PLXDC1: variants seen among roughly 807,000 people sequenced by gnomAD.
The protein encoded by PLXDC1 is plexin domain containing 1, also known as plexin domain-containing protein 1.
PLXDC1 carries 39 observed loss-of-function variants against 61.3 expected under a neutral mutation model. That is an observed-to-expected ratio of 0.64 (90% CI 0.49 to 0.83). PLXDC1 has a LOEUF of 0.83. Ranked by LOEUF, PLXDC1 falls within the 40% of genes least tolerant of loss-of-function variation. PLXDC1 has a pLI of 0.00. For missense variants in PLXDC1, 596 were observed against 666.5 expected (o/e 0.89, Z 1.17); for synonymous variants, 212 against 254.5 (o/e 0.83, Z 1.59).
At chr17:39,141,097 A>G (rs1039651599) in intron 1 of PLXDC1, among the ~76,000 whole-genome samples, 10 of 152,184 alleles carry the variant, frequency 6.6e-5, no homozygotes, top group African/African-American at 2.4e-5. Flanking sequence ...TGGTGCGATC[A>G]TAGCTCACTG....
intron 11 of PLXDC1, among the ~76,000 whole-genome samples, chr17:39,075,488 GC>G (rs1909291388): frequency 6.6e-6 from 1 of 152,206 alleles, no homozygotes; most frequent in Non-Finnish European, 1.5e-5. Context: ...TGCTTTTGGA[GC>G]TAGATGAAAC....
intron 2 of PLXDC1, among the ~76,000 whole-genome samples, chr17:39,118,084 C>CCCTCCCTTCCTT (rs575592391): frequency 2.1e-3 from 211 of 101,922 alleles, no homozygotes; most frequent in African/African-American, 7.1e-3. Flanking sequence ...CTCCCTCCCT[C>CCCTCCCTTCCTT]CCTTCCTTCC....
chr17:39,122,912 T>TAA (rs1234921754), intron 2 of PLXDC1, among the ~76,000 whole-genome samples: 2 of 152,194 alleles, frequency 1.3e-5, no homozygotes, highest in African/African-American at 2.4e-5. Context: ...CACATCAAAG[T>TAA]AAAGCCACAT....
At chr17:39,074,176 C>T (rs979183833) in intron 11 of PLXDC1, among the ~76,000 whole-genome samples, 1 of 152,150 alleles carries the variant, frequency 6.6e-6, no homozygotes, top group Non-Finnish European at 1.5e-5. Context: ...GCCAAGATGC[C>T]TTGCAAGTTG....
At chr17:39,120,917 G>A (rs1025803073) in intron 2 of PLXDC1, among the ~76,000 whole-genome samples, 6 of 151,906 alleles carry the variant, frequency 3.9e-5, no homozygotes, top group Admixed American at 6.6e-5. Context: ...GCCATCACGC[G>A]CAGCTAATTT....
chr17:39,134,170 T>C (rs1597658780), intron 2 of PLXDC1, among the ~76,000 whole-genome samples: 2 of 148,272 alleles, frequency 1.3e-5, no homozygotes, highest in South Asian at 2.1e-4. Context: ...AGGAGAATGG[T>C]GTGAACCTGG....
At chr17:39,128,089 C>G (rs752931624) in intron 2 of PLXDC1, among the ~76,000 whole-genome samples, 13 of 68,806 alleles carry the variant, frequency 1.9e-4, no homozygotes, top group South Asian at 1.0e-3. Flanking sequence ...CTCTCTCTCT[C>G]TCTATGTGTA....
At chr17:39,096,494 T>G (rs542701263) in intron 7 of PLXDC1, among the ~76,000 whole-genome samples, 3 of 152,242 alleles carry the variant, frequency 2.0e-5, no homozygotes, top group African/African-American at 4.8e-5. Context: ...TGCCCCTAGA[T>G]CCCTTCTGTA....
At chr17:39,151,875 A>G (rs1567777311), upstream of PLXDC1, among the ~76,000 whole-genome samples, 1 of 152,102 alleles carries the variant, frequency 6.6e-6, no homozygotes, top group Non-Finnish European at 1.5e-5. This position sits in a 1 kb window ranked among gnomAD's most constrained non-coding sequence, Gnocchi z 5.2. Flanking sequence ...CGCGCTCCTC[A>G]CTGAGCTCCT....
chr17:39,086,793 T>C (rs1336226574), intron 8 of PLXDC1, among the ~76,000 whole-genome samples: 1 of 126,240 alleles, frequency 7.9e-6, no homozygotes, highest in Non-Finnish European at 1.6e-5. Flanking sequence ...ACCTGGGAGA[T>C]AGAGATTGCA....
At position 39,108,172 on chromosome 17, in the gene PLXDC1, G is replaced by A; in HGVS notation, c.543C>T (p.Asn181=). Residue 181 remains asparagine, a synonymous_variant, in exon 5 of 14, where the codon AAC becomes AAT. Transcript: ENST00000315392. ...AGTTGTCGGAGTAGCCAGGGTTGAAGTTGGCCATCAGGGGCGCCACATACT... is the reference window on the plus strand; with the variant it reads ...AGTTGTCGGAGTAGCCAGGGTTGAAATTGGCCATCAGGGGCGCCACATACT... The part of the protein sequence containing the change: ...ATQYVAPLMA[N]FNPGYSDNST... 1 of 1,614,210 alleles carries A rather than the reference G, an allele frequency of 6.2e-7. No homozygotes were observed. Among genetic ancestry groups the A allele is most frequent in the South Asian group, 1.1e-5 (1 of 91,086 alleles).
chr17:39,099,566 T>A (rs1251286357), intron 7 of PLXDC1, among the ~76,000 whole-genome samples: 1 of 151,862 alleles, frequency 6.6e-6, no homozygotes, highest in Non-Finnish European at 1.5e-5. Flanking sequence ...TTGGGGGAGC[T>A]GAGGAGGAAA....
intron 7 of PLXDC1, among the ~76,000 whole-genome samples, chr17:39,099,515 G>A (rs2143602278): frequency 6.6e-6 from 1 of 152,258 alleles, no homozygotes. Context: ...ACAGTCCCAA[G>A]AAGCAGCCTG....
At chr17:39,082,955 C>A (rs146148361) in intron 9 of PLXDC1, among the ~76,000 whole-genome samples, 110 of 152,332 alleles carry the variant, frequency 7.2e-4, no homozygotes, top group African/African-American at 2.6e-3. Context: ...GTAGTCCACA[C>A]CCCTGGTCTT....
At chr17:39,105,432 G>GGACAGGGAGGT (rs935794659) in intron 7 of PLXDC1, among the ~76,000 whole-genome samples, 3 of 152,156 alleles carry the variant, frequency 2.0e-5, no homozygotes, top group Non-Finnish European at 4.4e-5. Context: ...GTTTGCTGAA[G>GGACAGGGAGGT]GACAGGGAGG....
intron 1 of PLXDC1, among the ~76,000 whole-genome samples, chr17:39,140,538 C>T (rs1911904399): frequency 1.3e-5 from 2 of 152,214 alleles, no homozygotes; most frequent in Admixed American, 1.3e-4. Context: ...ATCTCCTGAC[C>T]TCGTGATCCA....
intron 1 of PLXDC1, among the ~76,000 whole-genome samples, chr17:39,148,403 C>CA (rs1304172786): frequency 6.6e-6 from 1 of 151,080 alleles, no homozygotes; most frequent in Non-Finnish European, 1.5e-5. Context: ...TTTTTTTTGA[C>CA]AGAGTCTTAC....
chr17:39,088,326 G>T (rs780707500), intron 7 of PLXDC1, among the ~76,000 whole-genome samples: 17 of 152,232 alleles, frequency 1.1e-4, no homozygotes, highest in Non-Finnish European at 1.5e-4. Flanking sequence ...AAGGCTCAGG[G>T]CTTGCAGCCA....
chr17:39,073,729 G>A (rs1245515955), intron 11 of PLXDC1, among the ~76,000 whole-genome samples: 1 of 152,248 alleles, frequency 6.6e-6, no homozygotes, highest in African/African-American at 2.4e-5. Context: ...CAAATGAGTG[G>A]TCATTTTCTG....
Sources: gnomAD v4.1 joint callset for allele counts (sites outside exome capture counted in the v4.1 genomes callset) on GRCh38, gnomAD v4.1.1 for gene constraint, Gnocchi (gnomAD v3.1) non-coding constraint, MANE v1.5 for transcripts, NCBI Gene and HGNC (gene_info 2026-07-23, HGNC 2026-07-21) for gene names.